Variants in PALLD observed in about 807,000 individuals in gnomAD.
PALLD encodes the protein palladin, cytoskeletal associated protein, also known as palladin.
Under a neutral mutation model 123.5 loss-of-function variants are expected in PALLD, and 61 were observed. The ratio of observed to expected loss-of-function variants is 0.49; its 90% CI spans 0.40 to 0.61. The LOEUF (loss-of-function observed/expected upper bound fraction) is 0.61, where lower values mean the gene tolerates loss of function less well. Ranked by LOEUF, PALLD falls within the 20% of genes least tolerant of loss-of-function variation. The pLI is 0.00. For missense variants in PALLD, 1,273 were observed against 1,377.0 expected (o/e 0.92, Z 1.20); for synonymous variants, 465 against 496.4 (o/e 0.94, Z 0.84).
rs1244453996 is a variant in PALLD at position 168,546,488 on chromosome 4, T to A, written c.908+34076T>A. On this transcript the variant is annotated intron_variant, in intron 2 of 21. Transcript: ENST00000505667. ...AGAACAAGAAGCTGAGCTATTGGGG[T>A]CCACAAAGCAAAGAACAGGTATAGC... Among the ~76,000 whole-genome samples, 5 of 152,034 alleles carry A rather than the reference T, an allele frequency of 3.3e-5. No individual in the cohort carries two copies. In the East Asian group the frequency reaches 9.7e-4, roughly 29 times the overall value.
intron 2 of PALLD, among the ~76,000 whole-genome samples, chr4:168,535,314 TA>T (rs1224106903): frequency 6.6e-6 from 1 of 152,220 alleles, no homozygotes; most frequent in East Asian, 1.9e-4. Context: ...TTAAGTGGCT[TA>T]AATGGGAGAG....
rs1762693183 is a variant in PALLD at position 168,927,328 on chromosome 4, T to C, written c.*1148T>C. Reference sequence around the variant, plus strand: ...GCTTTTCTTTGGTTTTCTTCAAACATAGGTGAAAAAAACACTGCCATTCAC... The same window carrying C: ...GCTTTTCTTTGGTTTTCTTCAAACACAGGTGAAAAAAACACTGCCATTCAC... On this transcript the variant is annotated 3_prime_UTR_variant, in exon 22 of 22. Transcript: ENST00000505667. 1 of 232,140 alleles carries C rather than the reference T, an allele frequency of 4.3e-6. No individual in the cohort carries two copies. The highest frequency in any genetic ancestry group is 5.6e-5 in the Admixed American group (1 of 17,732). 14.4% of individuals were successfully genotyped at this position (232,140 alleles called of 1,614,324 possible).
chr4:168,684,568 T>G (rs1781851301), intron 5 of PALLD, among the ~76,000 whole-genome samples: 1 of 152,214 alleles, frequency 6.6e-6, no homozygotes, highest in African/African-American at 2.4e-5. Flanking sequence ...GAAGATCCAG[T>G]GAGTTAATCT....
intron 10 of PALLD, among the ~76,000 whole-genome samples, chr4:168,820,324 A>C (rs938716575): frequency 1.3e-5 from 2 of 152,230 alleles, no homozygotes; most frequent in Non-Finnish European, 2.9e-5. Context: ...GAGGAAACTG[A>C]GGCACAGAGA....
chr4:168,606,238 G>A (rs952237861), intron 2 of PALLD, among the ~76,000 whole-genome samples: 8 of 152,114 alleles, frequency 5.3e-5, no homozygotes, highest in Admixed American at 1.3e-4. Flanking sequence ...TGTTGTTGTT[G>A]TTACTTTCCT....
chr4:168,526,552 C>T (rs1170190414), intron 2 of PALLD, among the ~76,000 whole-genome samples: 3 of 152,118 alleles, frequency 2.0e-5, no homozygotes, highest in Non-Finnish European at 4.4e-5. Flanking sequence ...TCTTGCCTCA[C>T]TTTCTTCCAG....
At chr4:168,726,534 G>A (rs577738981) in intron 10 of PALLD, among the ~76,000 whole-genome samples, 3 of 151,792 alleles carry the variant, frequency 2.0e-5, no homozygotes, top group Non-Finnish European at 4.4e-5. Context: ...TCACTCTGTT[G>A]TCCATGCCTG....
chr4:168,561,506 C>T (rs1279037720), intron 2 of PALLD, among the ~76,000 whole-genome samples: 3 of 152,154 alleles, frequency 2.0e-5, no homozygotes, highest in Non-Finnish European at 4.4e-5. Flanking sequence ...AACTCCTGGC[C>T]TAAAGTGATC....
intron 6 of PALLD, among the ~76,000 whole-genome samples, chr4:168,688,329 C>G (rs1008554460): frequency 2.6e-5 from 4 of 152,218 alleles, no homozygotes; most frequent in African/African-American, 9.6e-5. Context: ...GGTCTCACAG[C>G]TGGTCAGAGG....
intron 10 of PALLD, among the ~76,000 whole-genome samples, chr4:168,862,571 C>T (rs975664656): frequency 6.6e-5 from 10 of 152,226 alleles, no homozygotes; most frequent in African/African-American, 2.4e-4. Flanking sequence ...TGCGCTCTCT[C>T]ATATGGTCCC....
chr4:168,499,706 G>A (rs1434400472), intron 1 of PALLD, among the ~76,000 whole-genome samples: 1 of 151,988 alleles, frequency 6.6e-6, no homozygotes, highest in Non-Finnish European at 1.5e-5. Context: ...TTTGGTGTAT[G>A]TTATTCCAAC....
intron 10 of PALLD, among the ~76,000 whole-genome samples, chr4:168,889,375 G>C (rs751668995): frequency 2.6e-5 from 4 of 151,850 alleles, no homozygotes; most frequent in African/African-American, 4.8e-5. Flanking sequence ...TGTTGGCCAA[G>C]CTGGTCTCCA....
chr4:168,746,711 A>C (rs1730379947), intron 10 of PALLD, among the ~76,000 whole-genome samples: 1 of 152,232 alleles, frequency 6.6e-6, no homozygotes, highest in South Asian at 2.1e-4. Context: ...TCCCAGAACT[A>C]GAAACATAAG....
At chr4:168,819,098 T>C (rs1489740903) in intron 10 of PALLD, among the ~76,000 whole-genome samples, 2 of 152,226 alleles carry the variant, frequency 1.3e-5, no homozygotes, top group East Asian at 3.8e-4. Flanking sequence ...AGAGTTTACC[T>C]ATCCAGCAAA....
chr4:168,631,981 C>T (rs1462283228), intron 2 of PALLD: 1 of 837,104 alleles, frequency 1.2e-6, no homozygotes, highest in Non-Finnish European at 1.4e-6. Flanking sequence ...TGCAAGTACT[C>T]GTGCGAAGAG....
At chr4:168,568,491 G>A (rs28667228) in intron 2 of PALLD, among the ~76,000 whole-genome samples, 2,479 of 151,960 alleles carry the variant, frequency 0.016, 75 homozygotes, top group African/African-American at 0.057. Context: ...GAAAAAAATA[G>A]GGTATTTCTC....
At chr4:168,831,550 T>G (rs80127544) in intron 10 of PALLD, among the ~76,000 whole-genome samples, 3,510 of 152,298 alleles carry the variant, frequency 0.023, 118 homozygotes, top group African/African-American at 0.072. Flanking sequence ...CGATTTAATG[T>G]CACACAATCG....
intron 10 of PALLD, among the ~76,000 whole-genome samples, chr4:168,761,917 A>G (rs1732994596): frequency 1.3e-5 from 2 of 151,972 alleles, no homozygotes; most frequent in Admixed American, 1.3e-4. Context: ...AACCATGTTT[A>G]AGTTTTATCA....
intron 2 of PALLD, among the ~76,000 whole-genome samples, chr4:168,516,253 T>A (rs1267743419): frequency 1.3e-5 from 2 of 152,142 alleles, no homozygotes; most frequent in African/African-American, 4.8e-5. Flanking sequence ...TGAAATCAAG[T>A]CAGAATTCAT....
Sources: gnomAD v4.1 joint callset for allele counts (sites outside exome capture counted in the v4.1 genomes callset) on GRCh38, gnomAD v4.1.1 for gene constraint, MANE v1.5 for transcripts, NCBI Gene and HGNC (gene_info 2026-07-23, HGNC 2026-07-21) for gene names.